The following ATXN10 variants were observed in gnomAD, a reference collection of about 807,000 sequenced individuals.
The protein encoded by ATXN10 is ataxin 10.
Under a neutral mutation model 52.9 loss-of-function variants are expected in ATXN10, and 28 were observed. The ratio of observed to expected loss-of-function variants is 0.53; its 90% CI spans 0.39 to 0.73. ATXN10 has a LOEUF of 0.73. Ranked by LOEUF, ATXN10 falls within the 30% of genes least tolerant of loss-of-function variation. The probability of loss-of-function intolerance (pLI) is 0.00; values close to 1 mark genes in which losing one functional copy is unlikely to be tolerated. For missense variants in ATXN10, 565 were observed against 577.0 expected, an observed-to-expected ratio of 0.98 and a Z score of 0.21; for synonymous variants, 226 against 221.5, an observed-to-expected ratio of 1.02 and a Z score of -0.18.
In ATXN10 at chr22:45,805,732, A is replaced by G. The variant is rs896708360; in HGVS notation, c.1174-1227A>G. The stretch of plus-strand genomic sequence containing the variant: ...AAGGAGTGACTGCCAGTGGGTGTGG[A>G]GTTTCTTTTAGGGGTGAGGAAAATG... On this transcript the variant is annotated intron_variant, in intron 9 of 11. Transcript: ENST00000252934. The surrounding 1 kb of genome is among the most constrained non-coding windows in gnomAD (Gnocchi z 4.4). Among the ~76,000 whole-genome samples the G allele has an allele frequency of 5.3e-5, 8 of 152,136 alleles. No homozygotes were observed. The highest frequency in any genetic ancestry group is 3.9e-4 in the Admixed American group (6 of 15,274).
chr22:45,802,870 A>C (rs1266187271), intron 9 of ATXN10, among the ~76,000 whole-genome samples: 1 of 152,212 alleles, frequency 6.6e-6, no homozygotes, highest in Non-Finnish European at 1.5e-5. Flanking sequence ...ATAAATCCCG[A>C]ATACTTTTAT....
intron 10 of ATXN10, 108 bp downstream of exon 10, chr22:45,807,130 T>A (rs748550948): frequency 1.2e-6 from 1 of 864,550 alleles, no homozygotes; most frequent in South Asian, 1.3e-5. Flanking sequence ...CCTTGCTTGC[T>A]TGTTTACTTG....
chr22:45,675,476 C>T (rs897578313), intron 1 of ATXN10: 10 of 152,228 alleles, frequency 6.6e-5, no homozygotes, highest in Admixed American at 1.3e-4. Context: ...TAAAAAGCAT[C>T]GTAGTTTCCT....
Position 45,784,399 on chromosome 22 carries a change from A to G in ATXN10, c.1174-22560A>G, listed in dbSNP as rs1424286729. On this transcript the variant is annotated intron_variant, in intron 9 of 11. Coordinates refer to ENST00000252934, the MANE Select transcript of ATXN10 (RefSeq NM_013236.4). The surrounding 1 kb of genome is among the most constrained non-coding windows in gnomAD (Gnocchi z 4.2). ...TTGGCACGTTTCCTTTCCCTCGCCTATTTCCCATTTTCAAGCAGAGCTAAC... is the reference window on the plus strand; with the variant it reads ...TTGGCACGTTTCCTTTCCCTCGCCTGTTTCCCATTTTCAAGCAGAGCTAAC... 2.0e-5 allele frequency among the ~76,000 whole-genome samples: 3 copies of G among 152,068 alleles called. No individual in the cohort carries two copies. The highest frequency in any genetic ancestry group is 6.5e-5 in the Admixed American group (1 of 15,278).
At position 45,762,967 on chromosome 22, in the gene ATXN10, G is replaced by A. The variant is rs540188452; in HGVS notation, c.1173+22429G>A. 1.3e-5 allele frequency among the ~76,000 whole-genome samples: 2 copies of A among 152,320 alleles called. No homozygotes were observed. Among genetic ancestry groups the A allele is most frequent in the African/African-American group, 4.8e-5 (2 of 41,572 alleles). ...AGTCTCAGGCTCTACCCCAGCATCCGGAATCAGACCATCCTCAGGGGATTG... is the reference window on the plus strand; with the variant it reads ...AGTCTCAGGCTCTACCCCAGCATCCAGAATCAGACCATCCTCAGGGGATTG... On this transcript the variant is annotated intron_variant, in intron 9 of 11. Transcript: ENST00000252934. This position sits in a 1 kb window ranked among gnomAD's most constrained non-coding sequence, Gnocchi z 4.3.
intron 10 of ATXN10, among the ~76,000 whole-genome samples, chr22:45,827,129 CCACACACACACACA>C (rs57068887): frequency 0.1 from 15,162 of 146,648 alleles, 2,229 homozygotes; most frequent in African/African-American, 0.33. Flanking sequence ...CCCATGGTAA[CCACACACACACACA>C]CACACACACA....
At chr22:45,834,290 A>G (rs1323184388) in intron 10 of ATXN10, among the ~76,000 whole-genome samples, 1 of 152,168 alleles carries the variant, frequency 6.6e-6, no homozygotes, top group Non-Finnish European at 1.5e-5. Context: ...AAAGATCACC[A>G]GGTACTTGGT....
At position 45,764,545 on chromosome 22, in the gene ATXN10, G is replaced by A. The variant is rs116822243; in HGVS notation, c.1173+24007G>A. ...CATGAGCCTTTGTCTTTTACCAGTG[G>A]TAGTTTCGTTGACTTTTTACCCCAT... On this transcript the variant is annotated intron_variant, in intron 9 of 11. Transcript: ENST00000252934. 2.5e-3 allele frequency among the ~76,000 whole-genome samples: 386 copies of A among 152,236 alleles called. 3 individuals are homozygous for A. The highest frequency in any genetic ancestry group is 8.5e-3 in the African/African-American group (354 of 41,534).
intron 10 of ATXN10, among the ~76,000 whole-genome samples, chr22:45,822,053 G>T (rs1928666651): frequency 6.6e-6 from 1 of 152,124 alleles, no homozygotes; most frequent in Admixed American, 6.6e-5. Context: ...TGGTAGATTG[G>T]CCGTCTTTGA....
rs1481249899 is a variant in ATXN10, at chr22:45,837,216, A to G, written c.1238-5775A>G. On this transcript the variant is annotated intron_variant, in intron 10 of 11. Coordinates refer to ENST00000252934, the MANE Select transcript of ATXN10 (RefSeq NM_013236.4). The surrounding 1 kb of genome is among the most constrained non-coding windows in gnomAD (Gnocchi z 5.8). ...ACACATTTAAATCATTTTAATTTAC[A>G]TAATGCATATTTTTTCAGTGCCAGT... is the stretch of plus-strand genomic sequence containing the variant. 6.6e-6 allele frequency among the ~76,000 whole-genome samples: 1 copy of G among 152,214 alleles called. No homozygotes were observed. The highest frequency in any genetic ancestry group is 1.5e-5 in the Non-Finnish European group (1 of 68,036).
In ATXN10 at chr22:45,843,652, T is replaced by G; in HGVS notation, c.1426-17T>G. 2 of 1,611,682 alleles carry G rather than the reference T, an allele frequency of 1.2e-6. No homozygotes were observed. The highest frequency in any genetic ancestry group is 1.7e-6 in the Non-Finnish European group (2 of 1,178,450). ...GATTTGCTACATCTGCAATTTTGTT[T>G]CTTTCTTCTTCTTTAGTGAATGAAC... On this transcript the variant is annotated splice_polypyrimidine_tract_variant and intron_variant, in intron 11 of 11. Coordinates refer to ENST00000252934, the MANE Select transcript of ATXN10 (RefSeq NM_013236.4). This position sits in a 1 kb window ranked among gnomAD's most constrained non-coding sequence, Gnocchi z 4.5.
At chr22:45,806,187 G>A (rs1010283825) in intron 9 of ATXN10, among the ~76,000 whole-genome samples, 1 of 152,196 alleles carries the variant, frequency 6.6e-6, no homozygotes, top group Admixed American at 6.5e-5. Flanking sequence ...CAGTGTATGA[G>A]AGTGTCTGTT....
chr22:45,716,862 A>G (rs1357521996), intron 5 of ATXN10, among the ~76,000 whole-genome samples: 3 of 152,208 alleles, frequency 2.0e-5, no homozygotes, highest in African/African-American at 7.2e-5. Flanking sequence ...GAAAGAGAGC[A>G]CTAATTACCA....
rs146205005 is a variant in ATXN10 at position 45,819,077 on chromosome 22, T to G, written c.1237+12055T>G. Reference sequence around the variant, plus strand: ...ACTAGCTTAAGAAAGTATTTTAAATTTAGAAGCTACATGCAATACTTGTTT... The same window carrying G: ...ACTAGCTTAAGAAAGTATTTTAAATGTAGAAGCTACATGCAATACTTGTTT... On this transcript the variant is annotated intron_variant, in intron 10 of 11. Transcript: ENST00000252934. The surrounding 1 kb of genome is among the most constrained non-coding windows in gnomAD (Gnocchi z 4.5). 6.6e-6 allele frequency among the ~76,000 whole-genome samples: 1 copy of G among 152,296 alleles called. No individual in the cohort carries two copies. Among genetic ancestry groups the G allele is most frequent in the Admixed American group, 6.5e-5 (1 of 15,304 alleles).
At chr22:45,794,037 T>C (rs1248503346) in intron 9 of ATXN10, among the ~76,000 whole-genome samples, 1 of 152,220 alleles carries the variant, frequency 6.6e-6, no homozygotes, top group South Asian at 2.1e-4. Context: ...TGCAGAAATT[T>C]CTAGGAAAAG....
At chr22:45,748,902 T>A (rs775345229) in intron 9 of ATXN10, among the ~76,000 whole-genome samples, 2 of 152,184 alleles carry the variant, frequency 1.3e-5, no homozygotes, top group Non-Finnish European at 2.9e-5. Flanking sequence ...TGGTTTAGGT[T>A]GTTGCAGCTG....
rs1239194790 is a variant in ATXN10, at chr22:45,828,870, C to CA, written c.1238-14114dup. Among the ~76,000 whole-genome samples the CA allele has an allele frequency of 3.3e-5, 5 of 152,096 alleles. No homozygotes were observed. Among genetic ancestry groups the CA allele is most frequent in the Middle Eastern group, 6.8e-3 (2 of 294 alleles). ...AATACCAATCCTTCTCAAACTTTTC[C>CA]AAAAAAATTGAGGAGAAGAGAACAC... On this transcript the variant is annotated intron_variant, in intron 10 of 11. Transcript: ENST00000252934. The surrounding 1 kb of genome is among the most constrained non-coding windows in gnomAD (Gnocchi z 4.5).
chr22:45,752,362 A>G (rs940298990), intron 9 of ATXN10, among the ~76,000 whole-genome samples: 1 of 152,206 alleles, frequency 6.6e-6, no homozygotes, highest in Non-Finnish European at 1.5e-5. Context: ...GAGCCAGTAG[A>G]AAAGTACCTA....
chr22:45,694,199 G>A (rs745337139), intron 3 of ATXN10, among the ~76,000 whole-genome samples: 7 of 152,010 alleles, frequency 4.6e-5, no homozygotes, highest in Non-Finnish European at 1.0e-4. Context: ...TAGTAGAATG[G>A]TTTTGGTCTT....
Sources: allele counts gnomAD v4.1 joint callset (sites outside exome capture counted in the v4.1 genomes callset), GRCh38; gene constraint gnomAD v4.1.1; non-coding constraint Gnocchi (gnomAD v3.1); transcripts MANE v1.5; gene names NCBI Gene and HGNC (gene_info 2026-07-23, HGNC 2026-07-21).